Variants in APPBP2 observed in about 807,000 individuals in gnomAD.
APPBP2 encodes the protein amyloid beta precursor protein binding protein 2, also known as amyloid protein-binding protein 2.
In APPBP2, 15 loss-of-function variants were observed where a neutral mutation model predicts 76.0. The ratio of observed to expected loss-of-function variants is 0.20; its 90% confidence interval spans 0.13 to 0.30. The LOEUF (loss-of-function observed/expected upper bound fraction) is 0.30, where lower values mean the gene tolerates loss of function less well. APPBP2 is among the 10% of genes least tolerant of loss of function. APPBP2 has a pLI of 1.00. For synonymous variants in APPBP2, 222 were observed against 242.2 expected, an observed-to-expected ratio of 0.92 and a Z score of 0.77; for missense variants, 401 against 687.2, an observed-to-expected ratio of 0.58 and a Z score of 4.66.
chr17:60,474,605 T>C (rs2090576107), intron 4 of APPBP2, among the ~76,000 whole-genome samples: 1 of 152,222 alleles, frequency 6.6e-6, no homozygotes, highest in Non-Finnish European at 1.5e-5. Context: ...ACAGGTTGAG[T>C]ATCCTTATTT....
At chr17:60,460,889 T>G (rs1257583779) in intron 8 of APPBP2, 102 bp from the exon 9 acceptor site, 3 of 1,200,074 alleles carry the variant, frequency 2.5e-6, no homozygotes, top group Admixed American at 3.0e-5. Context: ...CCTAACACCA[T>G]AAAATTTTGA....
At chr17:60,523,196 T>C (rs537597416) in intron 1 of APPBP2, among the ~76,000 whole-genome samples, 2 of 152,142 alleles carry the variant, frequency 1.3e-5, no homozygotes, top group East Asian at 1.9e-4. Context: ...AAATTGGAAA[T>C]TGGAAACAGT....
chr17:60,513,323 C>A, intron 1 of APPBP2: 1 of 582,242 alleles, frequency 1.7e-6, no homozygotes, highest in East Asian at 3.1e-5. Context: ...TTCATCAAAT[C>A]AGAGTGGAAA....
intron 3 of APPBP2, among the ~76,000 whole-genome samples, chr17:60,486,614 T>C (rs2090680426): frequency 6.6e-6 from 1 of 152,192 alleles, no homozygotes; most frequent in Non-Finnish European, 1.5e-5. Context: ...GTCTCCTAAA[T>C]ACAGCACACT....
At chr17:60,521,637 G>A (rs1389247147) in intron 1 of APPBP2, among the ~76,000 whole-genome samples, 5 of 151,790 alleles carry the variant, frequency 3.3e-5, no homozygotes, top group Non-Finnish European at 5.9e-5. Flanking sequence ...GGCAGGTCTC[G>A]AACTCCTGAG....
intron 4 of APPBP2, chr17:60,477,418 C>A (rs1180139659): frequency 2.0e-5 from 3 of 152,096 alleles, no homozygotes; most frequent in African/African-American, 7.2e-5. Context: ...TACAAAATCC[C>A]CTTTCTGTTC....
intron 2 of APPBP2, among the ~76,000 whole-genome samples, chr17:60,498,307 C>T (rs534454886): frequency 1.5e-4 from 23 of 152,252 alleles, no homozygotes; most frequent in African/African-American, 5.1e-4. Context: ...ATTATCTTCT[C>T]TTTGTCACCA....
intron 4 of APPBP2, among the ~76,000 whole-genome samples, chr17:60,476,745 ATTG>A (rs1424416383): frequency 6.6e-6 from 1 of 152,076 alleles, no homozygotes; most frequent in Non-Finnish European, 1.5e-5. Flanking sequence ...TTAATTATCT[ATTG>A]TTTTTAATTT....
rs1430345404 is a variant in APPBP2, at chr17:60,464,066, G to A, written c.717C>T (p.Gly239=). 2.5e-6 allele frequency: 4 copies of A among 1,612,196 alleles called. No individual in the cohort carries two copies. The highest frequency in any genetic ancestry group is 3.4e-6 in the Non-Finnish European group (4 of 1,179,288). ...CATCCACCACAACTTTCACTGGTAAGCCTGCTGTAATTTCTTTCATTGCCT... is the reference window on the plus strand; with the variant it reads ...CATCCACCACAACTTTCACTGGTAAACCTGCTGTAATTTCTTTCATTGCCT... ...CIEAMKEITA[G]LPVKVVVDVL... is the part of the protein sequence containing the mutation. The change falls in exon 6 of 13, where the codon GGC becomes GGT. Residue 239 remains glycine (G), a synonymous_variant. Coordinates refer to ENST00000083182, the MANE Select transcript of APPBP2 (RefSeq NM_006380.5).
rs1220084962 is a variant in APPBP2, at chr17:60,445,999, CT to C, written c.*1581del. On this transcript the variant is annotated 3_prime_UTR_variant, in exon 13 of 13. Transcript: ENST00000083182. ...TATTAATAAAATTTGAAATCTACAA[CT>C]TTTCTGTACTCAATGTGGCAGACAG... The C allele has an allele frequency of 6.6e-6, 1 of 152,154 alleles. No homozygotes were observed. Among genetic ancestry groups the C allele is most frequent in the African/African-American group, 2.4e-5 (1 of 41,430 alleles). 9.4% of individuals were successfully genotyped at this position (152,154 alleles called of 1,614,324 possible). A position where few individuals can be genotyped will look rare whatever the true frequency, so the allele number is the denominator to read the frequency against.
At position 60,443,726 on chromosome 17, in the gene APPBP2, A is replaced by T. The variant is rs371203528; in HGVS notation, c.*3855T>A. On this transcript the variant is annotated 3_prime_UTR_variant, in exon 13 of 13. Coordinates refer to ENST00000083182, the MANE Select transcript of APPBP2 (RefSeq NM_006380.5). ...TTCTAGATATCTATATATAGGATAT[A>T]TTTTTAATCTTAAATTTTACTCTTG... The T allele has an allele frequency of 6.5e-6, 1 of 152,738 alleles. No individual in the cohort carries two copies. Among genetic ancestry groups the T allele is most frequent in the East Asian group, 1.9e-4 (1 of 5,192 alleles). 9.5% of individuals were successfully genotyped at this position (152,738 alleles called of 1,614,324 possible).
intron 1 of APPBP2, among the ~76,000 whole-genome samples, chr17:60,518,068 C>CGTTTTT (rs1418644039): frequency 1.6e-5 from 2 of 122,360 alleles, no homozygotes; most frequent in Admixed American, 8.5e-5. Context: ...TTACAATTTC[C>CGTTTTT]TTTTTTTTTT....
At chr17:60,504,021 G>A (rs1540445) in intron 1 of APPBP2, among the ~76,000 whole-genome samples, 12,501 of 152,066 alleles carry the variant, frequency 0.082, 1,699 homozygotes, top group African/African-American at 0.28. Flanking sequence ...TAGAAATGAT[G>A]GAAGATTTAA....
At chr17:60,514,294 A>AAAAC (rs1392742875) in intron 1 of APPBP2, among the ~76,000 whole-genome samples, 1 of 152,224 alleles carries the variant, frequency 6.6e-6, no homozygotes, top group South Asian at 2.1e-4. Context: ...ACCCTGTCTC[A>AAAAC]AAACAAACAA....
At chr17:60,463,767 T>C (rs527737525) in intron 6 of APPBP2, among the ~76,000 whole-genome samples, 6 of 152,206 alleles carry the variant, frequency 3.9e-5, no homozygotes, top group Non-Finnish European at 7.3e-5. Flanking sequence ...AGCTGTACTT[T>C]AGTGCACTGA....
At chr17:60,473,284 C>T (rs2090566626) in intron 4 of APPBP2, among the ~76,000 whole-genome samples, 1 of 152,178 alleles carries the variant, frequency 6.6e-6, no homozygotes, top group Non-Finnish European at 1.5e-5. Flanking sequence ...CCATCTCTAG[C>T]ACTGATAATG....
chr17:60,500,250 G>T, intron 2 of APPBP2, 149 bp downstream of exon 2: 1 of 545,728 alleles, frequency 1.8e-6, no homozygotes, highest in Non-Finnish European at 3.2e-6. Flanking sequence ...CTCGTGATCT[G>T]CCCACCTCAG....
In APPBP2 at chr17:60,482,894, T is replaced by C. The variant is rs566504240; in HGVS notation, c.380-3623A>G. 9.2e-5 allele frequency among the ~76,000 whole-genome samples: 14 copies of C among 152,342 alleles called. No individual in the cohort carries two copies. In the East Asian group the frequency reaches 2.5e-3, roughly 27 times the overall value. ...TGTGAAGTGCCGTAATAAACATACA[T>C]GTGCATATGTCTTTATAGTAGCATG... On this transcript the variant is annotated intron_variant, in intron 3 of 12. Coordinates refer to ENST00000083182, the MANE Select transcript of APPBP2 (RefSeq NM_006380.5).
rs1398223079 is a variant in APPBP2 at position 60,512,766 on chromosome 17, C to A, written c.139-12279G>T. ...AGGAAAATAATTTGAACTCAGGAGG[C>A]GGAGGTTGCAGTGAGCCGAGACTGC... On this transcript the variant is annotated intron_variant, in intron 1 of 12. Transcript: ENST00000083182. Among the ~76,000 whole-genome samples, 5 of 76,506 alleles carry A rather than the reference C, an allele frequency of 6.5e-5. No homozygotes were observed. The East Asian group carries it at 2.3e-3, about 35-fold the overall frequency. The allele number at this position is 76,506 out of a possible 152,430, so 50.2% of individuals were successfully genotyped here. A position where few individuals can be genotyped will look rare whatever the true frequency, so the allele number is the denominator to read the frequency against.
Sources: gnomAD v4.1 joint callset for allele counts (sites outside exome capture counted in the v4.1 genomes callset) on GRCh38, gnomAD v4.1.1 for gene constraint, MANE v1.5 for transcripts, NCBI Gene and HGNC (gene_info 2026-07-23, HGNC 2026-07-21) for gene names.